ZNF407: variants seen among roughly 807,000 people sequenced by gnomAD.
ZNF407 encodes zinc finger protein 407.
ZNF407 carries 17 observed loss-of-function variants against 131.2 expected under a neutral mutation model. The ratio of observed to expected loss-of-function variants is 0.13; its 90% CI spans 0.09 to 0.19. ZNF407 has a LOEUF of 0.19. Ranked by LOEUF, ZNF407 falls within the 10% of genes least tolerant of loss-of-function variation. ZNF407 has a pLI of 1.00. For missense variants in ZNF407, 2,681 were observed against 2,830.6 expected, an observed-to-expected ratio of 0.95 and a Z score of 1.20; for synonymous variants, 1,156 against 1,062.0, an observed-to-expected ratio of 1.09 and a Z score of -1.72.
At chr18:74,849,138 G>A (rs1445660378) in intron 4 of ZNF407, among the ~76,000 whole-genome samples, 1 of 150,748 alleles carries the variant, frequency 6.6e-6, no homozygotes, top group Non-Finnish European at 1.5e-5. Flanking sequence ...GAGTGCAGTG[G>A]CGCAATCTCG....
In ZNF407 at chr18:74,881,046, G is replaced by A. The variant is rs1224461693; in HGVS notation, c.5055G>A (p.Ser1685=). ...DHYRTHTGEK[S]FLCDLCGFAG... is the part of the protein sequence containing the mutation. ...TTGTTGTTGCAACAGGCGAGAAGTC[G>A]TTTCTGTGTGACCTCTGCGGCTTTG... Residue 1685 remains serine, a synonymous_variant, in exon 6 of 9, where the codon TCG becomes TCA. Transcript: ENST00000299687. 2.5e-6 allele frequency: 4 copies of A among 1,586,978 alleles called. No individual in the cohort carries two copies. Among genetic ancestry groups the A allele is most frequent in the East Asian group, 2.3e-5 (1 of 43,822 alleles).
intron 3 of ZNF407, among the ~76,000 whole-genome samples, chr18:74,741,779 G>C (rs550540042): frequency 2.6e-5 from 4 of 152,240 alleles, no homozygotes; most frequent in Middle Eastern, 3.4e-3. Flanking sequence ...CCGCCCCTCA[G>C]ATATCAGTCA....
At chr18:74,618,198 T>C (rs1983394128) in intron 1 of ZNF407, among the ~76,000 whole-genome samples, 1 of 152,164 alleles carries the variant, frequency 6.6e-6, no homozygotes, top group Non-Finnish European at 1.5e-5. Context: ...TTTAAAGCAT[T>C]TCCCTACTTT....
chr18:75,031,398 C>T (rs780601718), intron 8 of ZNF407, among the ~76,000 whole-genome samples: 13 of 152,034 alleles, frequency 8.6e-5, no homozygotes, highest in African/African-American at 1.2e-4. Flanking sequence ...ACCTTTTACC[C>T]GTGAAAGAGA....
intron 8 of ZNF407, among the ~76,000 whole-genome samples, chr18:74,964,949 G>A (rs905144785): frequency 1.3e-5 from 2 of 152,174 alleles, no homozygotes; most frequent in African/African-American, 2.4e-5. Flanking sequence ...ATTTTCGTGT[G>A]TATCTATATG....
At chr18:74,980,118 C>T (rs1972571769) in intron 8 of ZNF407, among the ~76,000 whole-genome samples, 1 of 152,060 alleles carries the variant, frequency 6.6e-6, no homozygotes, top group Non-Finnish European at 1.5e-5. Context: ...ATGTGTTTCC[C>T]TCTATTCTGA....
intron 1 of ZNF407, among the ~76,000 whole-genome samples, chr18:74,621,365 G>T (rs1433826555): frequency 1.3e-5 from 2 of 152,124 alleles, no homozygotes; most frequent in Admixed American, 1.3e-4. Flanking sequence ...GAATTGGAGG[G>T]TGGGCTTGCC....
At chr18:74,978,310 A>G (rs541664099) in intron 8 of ZNF407, among the ~76,000 whole-genome samples, 30 of 152,304 alleles carry the variant, frequency 2.0e-4, no homozygotes, top group Non-Finnish European at 2.8e-4. Context: ...CTTGGAGTCC[A>G]TGTTAAATGG....
At chr18:74,749,566 A>G (rs1968751308) in intron 3 of ZNF407, among the ~76,000 whole-genome samples, 1 of 152,208 alleles carries the variant, frequency 6.6e-6, no homozygotes, top group South Asian at 2.1e-4. Context: ...AGAATTTAAA[A>G]CTGCAGTGAA....
intron 7 of ZNF407, among the ~76,000 whole-genome samples, chr18:74,911,463 T>C (rs1019663093): frequency 1.3e-5 from 2 of 152,240 alleles, no homozygotes; most frequent in African/African-American, 4.8e-5. Context: ...AGATATGTGG[T>C]GTAAGTCTCT....
chr18:74,866,883 G>T (rs1599207619), intron 4 of ZNF407, among the ~76,000 whole-genome samples: 1 of 143,370 alleles, frequency 7.0e-6, no homozygotes, highest in Admixed American at 7.1e-5. Context: ...GGGCCTTGTG[G>T]CATGTACCTG....
chr18:74,693,490 C>G (rs755540618), intron 3 of ZNF407, among the ~76,000 whole-genome samples: 1 of 152,278 alleles, frequency 6.6e-6, no homozygotes, highest in African/African-American at 2.4e-5. Context: ...AAAATCACTA[C>G]TTTCTCTTCA....
At chr18:74,954,098 A>G (rs1010297645) in intron 8 of ZNF407, among the ~76,000 whole-genome samples, 1 of 152,250 alleles carries the variant, frequency 6.6e-6, no homozygotes, top group Non-Finnish European at 1.5e-5. Context: ...CTTTTCCAAT[A>G]TTAATATGTT....
chr18:74,624,991 A>G (rs1349805661), intron 1 of ZNF407, among the ~76,000 whole-genome samples: 1 of 152,186 alleles, frequency 6.6e-6, no homozygotes, highest in East Asian at 1.9e-4. Context: ...ATGGCCTTGT[A>G]TTGAGGTCCT....
intron 8 of ZNF407, among the ~76,000 whole-genome samples, chr18:74,968,616 T>C (rs903600788): frequency 5.3e-5 from 8 of 152,264 alleles, no homozygotes; most frequent in African/African-American, 1.7e-4. Context: ...CTCTTTCGTC[T>C]GATCTTCATA....
At chr18:74,636,031 A>C (rs1054856445) in intron 2 of ZNF407, among the ~76,000 whole-genome samples, 1 of 152,150 alleles carries the variant, frequency 6.6e-6, no homozygotes, top group Non-Finnish European at 1.5e-5. Flanking sequence ...TTGATTTTCC[A>C]AAGTCTGTAT....
chr18:75,059,730 C>T (rs1283504046), intron 8 of ZNF407, among the ~76,000 whole-genome samples: 2 of 152,160 alleles, frequency 1.3e-5, no homozygotes, highest in Admixed American at 6.5e-5. Flanking sequence ...AGCATGAATA[C>T]AGGAGCTGTG....
chr18:74,786,553 A>C (rs1289084805), intron 4 of ZNF407, among the ~76,000 whole-genome samples: 1 of 151,982 alleles, frequency 6.6e-6, no homozygotes, highest in Non-Finnish European at 1.5e-5. Context: ...ACATATTTAC[A>C]CAAGAAATAA....
At chr18:74,678,548 G>C (rs560793671) in intron 3 of ZNF407, among the ~76,000 whole-genome samples, 5 of 152,262 alleles carry the variant, frequency 3.3e-5, no homozygotes, top group Non-Finnish European at 7.4e-5. Context: ...CAGTTCAAAC[G>C]TCAGTTTATC....
Sources: allele counts gnomAD v4.1 joint callset (sites outside exome capture counted in the v4.1 genomes callset), GRCh38; gene constraint gnomAD v4.1.1; transcripts MANE v1.5; gene names NCBI Gene and HGNC (gene_info 2026-07-23, HGNC 2026-07-21).